CCDC194: variants seen among roughly 807,000 people sequenced by gnomAD.
CCDC194 encodes the protein coiled-coil domain containing 194, also known as coiled-coil domain-containing protein 194.
In CCDC194, 8 loss-of-function variants were observed where a neutral mutation model predicts 4.9. The observed-to-expected ratio is 1.65, with a 90% CI of 0.97 to 2.97. CCDC194 has a LOEUF of 2.97. Ranked by LOEUF, CCDC194 falls within the 30% of genes most tolerant of loss-of-function variation. The pLI is 0.00. For missense variants in CCDC194, 52 were observed against 43.1 expected, an observed-to-expected ratio of 1.21 and a Z score of -0.58; for synonymous variants, 13 against 17.0, an observed-to-expected ratio of 0.76 and a Z score of 0.58.
downstream of CCDC194, chr19:17,390,453 A>AC (rs11326071): frequency 0.012 from 4,272 of 371,088 alleles, 101 homozygotes; most frequent in African/African-American, 0.075. The surrounding 1 kb of genome is among the most constrained non-coding windows in gnomAD (Gnocchi z 5.5). Context: ...GTCCCCGCAG[A>AC]CCCCCCCCCC....
intron 3 of CCDC194, among the ~76,000 whole-genome samples, 170 bp downstream of exon 3, chr19:17,391,041 C>T (rs1431087098): frequency 6.6e-6 from 1 of 152,038 alleles, no homozygotes; most frequent in African/African-American, 2.4e-5. Context: ...CTCCCTTCTC[C>T]ATCCTTAGGT....
exon 2 of CCDC194, chr19:17,391,762 C>T: frequency 6.5e-7 from 1 of 1,535,738 alleles, no homozygotes; most frequent in Non-Finnish European, 8.7e-7. Flanking sequence ...GTCAGCGCCC[C>T]GTTCTCGGCC....
chr19:17,389,476 A>G (rs1439585136), downstream of CCDC194, among the ~76,000 whole-genome samples: 2 of 152,038 alleles, frequency 1.3e-5, no homozygotes, highest in African/African-American at 4.8e-5. Context: ...TTTCTTGTGT[A>G]ATTGCATTGG....
chr19:17,391,925 G>A, intron 1 of CCDC194, 79 bp from the exon 2 acceptor site: 3 of 1,316,640 alleles, frequency 2.3e-6, no homozygotes, highest in South Asian at 3.2e-5. Flanking sequence ...TTTGGGGACA[G>A]TGAGAAGCCA....
downstream of CCDC194, among the ~76,000 whole-genome samples, chr19:17,389,294 T>C (rs1332990467): frequency 1.3e-5 from 2 of 152,156 alleles, no homozygotes; most frequent in Non-Finnish European, 2.9e-5. Context: ...TAAATTTAGA[T>C]AACAAGCTAA....
exon 1 of CCDC194, chr19:17,393,865 C>A (rs2074664105): frequency 2.5e-6 from 1 of 397,714 alleles, no homozygotes; most frequent in East Asian, 3.6e-5. Flanking sequence ...TTAATGCCTT[C>A]TCCAACTCGT....
chr19:17,392,927 T>C (rs1407324143), intron 1 of CCDC194, among the ~76,000 whole-genome samples: 1 of 151,994 alleles, frequency 6.6e-6, no homozygotes, highest in Non-Finnish European at 1.5e-5. Flanking sequence ...ACTGATACAC[T>C]CGCCCTGGCT....
chr19:17,392,593 C>T (rs747153869), intron 1 of CCDC194, among the ~76,000 whole-genome samples: 1 of 152,166 alleles, frequency 6.6e-6, no homozygotes, highest in Non-Finnish European at 1.5e-5. Flanking sequence ...ACGACTGGTT[C>T]GGCTTCCTCA....
chr19:17,390,309 C>T (rs116686497), downstream of CCDC194, among the ~76,000 whole-genome samples: 1 of 152,264 alleles, frequency 6.6e-6, no homozygotes, highest in East Asian at 1.9e-4. The surrounding 1 kb of genome is among the most constrained non-coding windows in gnomAD (Gnocchi z 5.5). Context: ...GCCTCAGTTT[C>T]CCTGTCTGTA....
downstream of CCDC194, among the ~76,000 whole-genome samples, chr19:17,387,223 T>G (rs184893550): frequency 8.7e-4 from 133 of 152,190 alleles, no homozygotes; most frequent in Admixed American, 2.2e-3. Context: ...TTTTTAATTT[T>G]TAATTTGTAA....
At chr19:17,391,304 G>C in exon 3 of CCDC194, 2 of 424,948 alleles carry the variant, frequency 4.7e-6, no homozygotes, top group Non-Finnish European at 8.2e-6. Flanking sequence ...CAGCCGCCGC[G>C]TAGACTCCGT....
chr19:17,388,965 A>G (rs1025422708), downstream of CCDC194, among the ~76,000 whole-genome samples: 1 of 152,080 alleles, frequency 6.6e-6, no homozygotes, highest in African/African-American at 2.4e-5. Context: ...CAGCCTCCCA[A>G]GTAGCTGGGG....
At position 17,390,943 on chromosome 19, in the gene CCDC194, G is replaced by A. The variant is rs1299940790; in HGVS notation, c.554+268C>T. ...CTTGCTCCCTTCTCTTCCGTTCCCC[G>A]TCCCTCTCGGGGCTCCCACCGACGC... On this transcript the variant is annotated intron_variant, in intron 3 of 3. Coordinates refer to ENST00000636079, the Ensembl canonical transcript of CCDC194. This position sits in a 1 kb window ranked among gnomAD's most constrained non-coding sequence, Gnocchi z 5.5. Among the ~76,000 whole-genome samples, 1 of 150,680 alleles carries A rather than the reference G, an allele frequency of 6.6e-6. No individual in the cohort carries two copies. Among genetic ancestry groups the A allele is most frequent in the Non-Finnish European group, 1.5e-5 (1 of 67,694 alleles).
Position 17,390,644 on chromosome 19 carries a change from G to A in CCDC194, c.570C>T (p.Ala190=). 1 of 397,958 alleles carries A rather than the reference G, an allele frequency of 2.5e-6. No homozygotes were observed. The highest frequency in any genetic ancestry group is 3.6e-5 in the East Asian group (1 of 28,034). The allele number at this position is 397,958 out of a possible 1,614,324, so 24.7% of individuals were successfully genotyped here. The change falls in exon 4 of 4, where the codon GCC becomes GCT. Residue 190 remains alanine, a synonymous_variant. Transcript: ENST00000636079. The surrounding 1 kb of genome is among the most constrained non-coding windows in gnomAD (Gnocchi z 5.5). The stretch of plus-strand genomic sequence containing the variant: ...GCACTCTGCGCTGTGGGCTCATCTC[G>A]GCTTCCAGGACGTTACTGCCGGGAA...
chr19:17,389,517 A>G (rs1254972494), downstream of CCDC194, among the ~76,000 whole-genome samples: 1 of 152,142 alleles, frequency 6.6e-6, no homozygotes, highest in Non-Finnish European at 1.5e-5. Context: ...ACTACTTGAC[A>G]GTGGACGTCC....
intron 1 of CCDC194, among the ~76,000 whole-genome samples, chr19:17,393,340 C>T (rs2145738360): frequency 6.7e-6 from 1 of 148,954 alleles, no homozygotes; most frequent in South Asian, 2.1e-4. Context: ...TTTCTCCAGA[C>T]ACCATTTATC....
At chr19:17,387,223 T>C (rs184893550), downstream of CCDC194, among the ~76,000 whole-genome samples, 1 of 152,072 alleles carries the variant, frequency 6.6e-6, no homozygotes, top group Admixed American at 6.6e-5. Flanking sequence ...TTTTTAATTT[T>C]TAATTTGTAA....
upstream of CCDC194, chr19:17,394,161 C>T (rs1241832345): frequency 7.7e-6 from 3 of 391,558 alleles, no homozygotes; most frequent in Non-Finnish European, 1.4e-5. Context: ...TCGGCCATGC[C>T]GCGGTCCACA....
exon 1 of CCDC194, chr19:17,394,043 G>T: frequency 2.6e-6 from 1 of 389,362 alleles, no homozygotes; most frequent in Non-Finnish European, 4.5e-6. Context: ...AGCCGAGGCG[G>T]CCAGATTCCA....
Sources: gnomAD v4.1 joint callset for allele counts (sites outside exome capture counted in the v4.1 genomes callset) on GRCh38, gnomAD v4.1.1 for gene constraint, Gnocchi (gnomAD v3.1) non-coding constraint, MANE v1.5 for transcripts, NCBI Gene and HGNC (gene_info 2026-07-23, HGNC 2026-07-21) for gene names.